Variants in XPR1 observed in about 807,000 individuals in gnomAD.
The protein encoded by XPR1 is solute carrier family 53 member 1.
A neutral mutation model predicts 87.5 loss-of-function variants in XPR1; 28 were observed. The ratio of observed to expected loss-of-function variants is 0.32; its 90% confidence interval spans 0.24 to 0.44. The LOEUF (loss-of-function observed/expected upper bound fraction) is 0.44. XPR1 is among the 20% of genes least tolerant of loss of function. The pLI, the probability that XPR1 is intolerant of heterozygous loss-of-function variation, is 1.00. For synonymous variants in XPR1, 300 were observed against 306.1 expected (o/e 0.98, Z 0.21); for missense variants, 559 against 862.3 (o/e 0.65, Z 4.41).
At chr1:180,693,795 G>A (rs1341521752) in intron 2 of XPR1, among the ~76,000 whole-genome samples, 2 of 152,064 alleles carry the variant, frequency 1.3e-5, no homozygotes, top group African/African-American at 4.8e-5. Flanking sequence ...AGGTCTGCCT[G>A]GACAATCCAG....
At chr1:180,737,466 T>A (rs1647311768) in intron 2 of XPR1, among the ~76,000 whole-genome samples, 1 of 152,246 alleles carries the variant, frequency 6.6e-6, no homozygotes, top group Non-Finnish European at 1.5e-5. Context: ...GTAAATTTTT[T>A]AAGTTAACAT....
At chr1:180,855,883 A>G (rs1652012426) in intron 11 of XPR1, among the ~76,000 whole-genome samples, 1 of 152,098 alleles carries the variant, frequency 6.6e-6, no homozygotes, top group Admixed American at 6.6e-5. Context: ...TCCCCAGTCT[A>G]AAGTAACAAG....
rs914289821 is a variant in XPR1 at position 180,887,234 on chromosome 1, A to G, written c.*3168A>G. ...TTTTAAAGGAGCAGCAACCTAACCA[A>G]ATACAAACTTCATTTGATTTTAGGT... is the stretch of plus-strand genomic sequence containing the variant. On this transcript the variant is annotated 3_prime_UTR_variant, in exon 15 of 15. Transcript: ENST00000367590. 4 of 152,196 alleles carry G rather than the reference A, an allele frequency of 2.6e-5. No individual in the cohort carries two copies. 9.4% of individuals were successfully genotyped at this position (152,196 alleles called of 1,614,324 possible). A position where few individuals can be genotyped will look rare whatever the true frequency, so the allele number is the denominator to read the frequency against.
At chr1:180,714,039 A>T (rs1047401028) in intron 2 of XPR1, among the ~76,000 whole-genome samples, 2 of 136 alleles carry the variant, frequency 0.015, no homozygotes, top group Admixed American at 0.1. Flanking sequence ...AGGATTGTTT[A>T]GGTTATTGTT....
rs189933560 is a variant in XPR1 at position 180,641,556 on chromosome 1, A to G, written c.69+9286A>G. 4.6e-3 allele frequency among the ~76,000 whole-genome samples: 698 copies of G among 152,284 alleles called. 12 individuals carry two copies. The highest frequency in any genetic ancestry group is 0.016 in the African/African-American group (675 of 41,550). On this transcript the variant is annotated intron_variant, in intron 1 of 14. Coordinates refer to ENST00000367590, the MANE Select transcript of XPR1 (RefSeq NM_004736.4). Reference sequence around the variant, plus strand: ...CTTGTAACTTGTGTTCATCTCAGTTATAGACTGTGTCTGTATATTTGTTTT... The same window carrying G: ...CTTGTAACTTGTGTTCATCTCAGTTGTAGACTGTGTCTGTATATTTGTTTT...
intron 2 of XPR1, among the ~76,000 whole-genome samples, chr1:180,714,550 G>A (rs918527176): frequency 4.0e-5 from 6 of 151,826 alleles, no homozygotes; most frequent in African/African-American, 1.5e-4. Flanking sequence ...GGCTACAGAC[G>A]CATGCCACCA....
intron 2 of XPR1, among the ~76,000 whole-genome samples, chr1:180,731,537 C>T (rs1658556134): frequency 2.0e-5 from 3 of 152,116 alleles, no homozygotes; most frequent in Admixed American, 6.5e-5. Flanking sequence ...TCCTGAGGAA[C>T]TCAGATAAAA....
Position 180,632,071 on chromosome 1 carries a change from G to T in XPR1, c.-131G>T. 9.4e-7 allele frequency: 1 copy of T among 1,064,550 alleles called. No individual in the cohort carries two copies. The highest frequency in any genetic ancestry group is 1.4e-6 in the Non-Finnish European group (1 of 706,646). The allele number at this position is 1,064,550 out of a possible 1,614,324, so 65.9% of individuals were successfully genotyped here. A position where few individuals can be genotyped will look rare whatever the true frequency, so the allele number is the denominator to read the frequency against. The stretch of plus-strand genomic sequence containing the variant: ...GGCGGGCTGCTCTGAAGAGACCTCG[G>T]CGGCGGCGGAGGAGGAGAGAAGCGC... On this transcript the variant is annotated 5_prime_UTR_variant, in exon 1 of 15. Coordinates refer to ENST00000367590, the MANE Select transcript of XPR1 (RefSeq NM_004736.4).
chr1:180,781,882 G>A (rs1255325457), intron 2 of XPR1, among the ~76,000 whole-genome samples: 1 of 151,846 alleles, frequency 6.6e-6, no homozygotes, highest in Non-Finnish European at 1.5e-5. Context: ...TGCAAACTCT[G>A]CCTCCTAGGT....
chr1:180,752,842 A>G (rs61809358), intron 2 of XPR1, among the ~76,000 whole-genome samples: 8,098 of 152,236 alleles, frequency 0.053, 307 homozygotes, highest in Non-Finnish European at 0.078. Flanking sequence ...AAAGTGCTCA[A>G]AATAATAAAG....
chr1:180,790,132 A>C (rs1490912673), intron 3 of XPR1, among the ~76,000 whole-genome samples: 1 of 152,074 alleles, frequency 6.6e-6, no homozygotes, highest in Non-Finnish European at 1.5e-5. Flanking sequence ...TTATATCTGC[A>C]TCTCTCTCCC....
chr1:180,708,021 GA>G (rs769796361), intron 2 of XPR1, among the ~76,000 whole-genome samples: 4 of 152,112 alleles, frequency 2.6e-5, no homozygotes, highest in African/African-American at 4.8e-5. Flanking sequence ...TAGGTCAAAT[GA>G]ATTTAGAAAA....
At chr1:180,808,799 G>A (rs1261270562) in intron 6 of XPR1, among the ~76,000 whole-genome samples, 1 of 152,124 alleles carries the variant, frequency 6.6e-6, no homozygotes, top group Non-Finnish European at 1.5e-5. Flanking sequence ...TAATGATGGA[G>A]GAGTAGGAAC....
At chr1:180,873,705 A>G (rs1456464708) in intron 12 of XPR1, 98 bp from the exon 13 acceptor site, 7 of 1,333,116 alleles carry the variant, frequency 5.3e-6, no homozygotes, top group Non-Finnish European at 7.3e-6. Context: ...TATTCGTAGG[A>G]CATGTGTGAG....
chr1:180,845,201 G>A (rs1018482880), intron 11 of XPR1, among the ~76,000 whole-genome samples: 2 of 152,086 alleles, frequency 1.3e-5, no homozygotes, highest in Admixed American at 1.3e-4. Context: ...GCAAGGGTAC[G>A]GAGAGATGAA....
chr1:180,803,595 T>G lies in XPR1; in HGVS notation c.431T>G (p.Leu144Arg). ...AGTGAGTTCTACCTCAGTCTAATCC[T>G]GCTGCAGAACTATCAGGTACTTAGA... ...AFSEFYLSLILLQNYQNLNFT... is the reference protein window; with the variant it reads ...AFSEFYLSLIRLQNYQNLNFT... Residue 144 changes from leucine (L) to arginine (R), a missense_variant, in exon 4 of 15, where the codon CTG becomes CGG. This residue lies in a region of XPR1 where 159 missense variants were observed against 263.3 expected (regional missense o/e 0.60). Coordinates refer to ENST00000367590, the MANE Select transcript of XPR1 (RefSeq NM_004736.4). 6.2e-7 allele frequency: 1 copy of G among 1,612,082 alleles called. No individual in the cohort carries two copies. Among genetic ancestry groups the G allele is most frequent in the Admixed American group, 1.7e-5 (1 of 59,954 alleles).
At chr1:180,853,790 GGT>G (rs1491147134) in intron 11 of XPR1, among the ~76,000 whole-genome samples, 5 of 91,540 alleles carry the variant, frequency 5.5e-5, no homozygotes, top group African/African-American at 1.9e-4. Flanking sequence ...GCATTCATGT[GGT>G]TTTTTTTTTT....
At chr1:180,663,236 G>A (rs1342433804) in intron 1 of XPR1, among the ~76,000 whole-genome samples, 2 of 152,196 alleles carry the variant, frequency 1.3e-5, no homozygotes, top group Non-Finnish European at 2.9e-5. Context: ...TGTAGTCTTT[G>A]CAATCTGTGT....
intron 12 of XPR1, among the ~76,000 whole-genome samples, chr1:180,873,274 T>G (rs976434621): frequency 2.0e-5 from 3 of 152,202 alleles, no homozygotes; most frequent in Non-Finnish European, 4.4e-5. Flanking sequence ...CATGTAAAAA[T>G]AGAACATTTC....
Sources: allele counts gnomAD v4.1 joint callset (sites outside exome capture counted in the v4.1 genomes callset), GRCh38; gene constraint gnomAD v4.1.1; regional missense constraint gnomAD v4.1.1; transcripts MANE v1.5; gene names NCBI Gene and HGNC (gene_info 2026-07-23, HGNC 2026-07-21).